Variants in LRP1 observed in about 807,000 individuals in gnomAD.
The protein encoded by LRP1 is prolow-density lipoprotein receptor-related protein 1.
In LRP1, 51 loss-of-function variants were observed where a neutral mutation model predicts 541.5. The ratio of observed to expected loss-of-function variants is 0.09; its 90% CI spans 0.08 to 0.12. The LOEUF (loss-of-function observed/expected upper bound fraction) is 0.12. LRP1 is among the 10% of genes least tolerant of loss of function. LRP1 has a pLI of 1.00. For missense variants in LRP1, 3,878 were observed against 6,376.2 expected (o/e 0.61, Z 13.34); for synonymous variants, 2,219 against 2,470.8 (o/e 0.90, Z 3.02).
rs2036506377 is a variant in LRP1 at position 57,195,278 on chromosome 12, G to A, written c.8316G>A (p.Lys2772=). 5.0e-6 allele frequency: 8 copies of A among 1,613,770 alleles called. No individual in the cohort carries two copies. The highest frequency in any genetic ancestry group is 6.8e-6 in the Non-Finnish European group (8 of 1,179,964). ...CCCTCTCTCCCCCTACAGAAGGCAA[G>A]ACGTGCGGCCCCTCCTCCTTCTCCT... ...GSDEAAHCEG[K]TCGPSSFSCP... Residue 2772 remains lysine, a synonymous_variant, in exon 52 of 89, where the codon AAG becomes AAA. Coordinates refer to ENST00000243077, the MANE Select transcript of LRP1 (RefSeq NM_002332.3).
At position 57,144,271 on chromosome 12, in the gene LRP1, A is replaced by G. The variant is rs145196986; in HGVS notation, c.448+473A>G. 1.1e-3 allele frequency among the ~76,000 whole-genome samples: 168 copies of G among 152,234 alleles called. 1 individual carries two copies. Among genetic ancestry groups the G allele is most frequent in the African/African-American group, 3.8e-3 (159 of 41,536 alleles). ...TAGTATACTGTGTATATTATTTTCAATGTTTTTCACTCATCAGTATGTTCC... is the reference window on the plus strand; with the variant it reads ...TAGTATACTGTGTATATTATTTTCAGTGTTTTTCACTCATCAGTATGTTCC... On this transcript the variant is annotated intron_variant, in intron 4 of 88. Coordinates refer to ENST00000243077, the MANE Select transcript of LRP1 (RefSeq NM_002332.3).
chr12:57,200,916 G>A lies in LRP1; in HGVS notation c.10225+101G>A, dbSNP rs1052220310. 3 of 1,567,186 alleles carry A rather than the reference G, an allele frequency of 1.9e-6. No homozygotes were observed. In the African/African-American group the frequency reaches 4.2e-5, roughly 22 times the overall value. Reference sequence around the variant, plus strand: ...GGGAAGTTGCAGCCCACGGCAGCTTGCTCTCCAGGCTGGATTCCTATGGCT... The same window carrying A: ...GGGAAGTTGCAGCCCACGGCAGCTTACTCTCCAGGCTGGATTCCTATGGCT... On this transcript the variant is annotated intron_variant, in intron 64 of 88. Coordinates refer to ENST00000243077, the MANE Select transcript of LRP1 (RefSeq NM_002332.3).
In LRP1 at chr12:57,185,756, C is replaced by G; in HGVS notation, c.6689C>G (p.Pro2230Arg). ...GCGCCCGTGCAGCCCTTCGAGGACC[C>G]TGAGCACATGAAGAACGTCATCGCC... ...LNAPVQPFEDPEHMKNVIALA... is the reference protein window; with the variant it reads ...LNAPVQPFEDREHMKNVIALA... The change falls in exon 41 of 89, where the codon CCT (proline) becomes CGT (arginine). Residue 2230 changes from proline (P) to arginine (R), a missense_variant. Transcript: ENST00000243077. This position sits in a 1 kb window ranked among gnomAD's most constrained non-coding sequence, Gnocchi z 4.9. The G allele has an allele frequency of 6.2e-7, 1 of 1,614,248 alleles. No individual in the cohort carries two copies. The highest frequency in any genetic ancestry group is 8.5e-7 in the Non-Finnish European group (1 of 1,180,042).
chr12:57,197,758 T>G lies in LRP1; in HGVS notation c.9282+94T>G. The G allele has an allele frequency of 6.8e-7, 1 of 1,470,194 alleles. No individual in the cohort carries two copies. The highest frequency in any genetic ancestry group is 9.2e-7 in the Non-Finnish European group (1 of 1,081,324). 91.1% of individuals were successfully genotyped at this position (1,470,194 alleles called of 1,614,324 possible). ...TTCCCGCCCCACCAACCCAAATTGC[T>G]TCCTTCTCACTCCACTAGTCACTAT... is the stretch of plus-strand genomic sequence containing the variant. On this transcript the variant is annotated intron_variant, in intron 58 of 88. Coordinates refer to ENST00000243077, the MANE Select transcript of LRP1 (RefSeq NM_002332.3). This position sits in a 1 kb window ranked among gnomAD's most constrained non-coding sequence, Gnocchi z 4.5.
At chr12:57,202,615 C>T (rs1026601889) in intron 68 of LRP1, 78 bp downstream of exon 68, 66 of 1,189,966 alleles carry the variant, frequency 5.5e-5, no homozygotes, top group Admixed American at 2.8e-4. Context: ...TGCCACAGGC[C>T]GCGCCAGAGC....
At position 57,162,626 on chromosome 12, in the gene LRP1, C is replaced by T; in HGVS notation, c.2404+108C>T. On this transcript the variant is annotated intron_variant, in intron 14 of 88. Coordinates refer to ENST00000243077, the MANE Select transcript of LRP1 (RefSeq NM_002332.3). This position sits in a 1 kb window ranked among gnomAD's most constrained non-coding sequence, Gnocchi z 5.2. ...GAAGGCACTTCCCAGGGATCCTAGGCTCTGACTTTTGAGGATCCTGAGAAG... is the reference window on the plus strand; with the variant it reads ...GAAGGCACTTCCCAGGGATCCTAGGTTCTGACTTTTGAGGATCCTGAGAAG... 1 of 1,329,858 alleles carries T rather than the reference C, an allele frequency of 7.5e-7. No individual in the cohort carries two copies. Among genetic ancestry groups the T allele is most frequent in the Middle Eastern group, 2.3e-4 (1 of 4,314 alleles). The allele number at this position is 1,329,858 out of a possible 1,614,324, so 82.4% of individuals were successfully genotyped here. A position where few individuals can be genotyped will look rare whatever the true frequency, so the allele number is the denominator to read the frequency against.
rs1411593019 is a variant in LRP1, at chr12:57,175,711, A to G, written c.3793+6A>G. ...CGAGAGCTGCCGCAGCCTGGGTGAG[A>G]CAACAGTGAGGTGTGGTGGGGCAGG... On this transcript the variant is annotated splice_donor_region_variant and intron_variant, in intron 23 of 88. Transcript: ENST00000243077. 1.0e-5 allele frequency: 16 copies of G among 1,563,282 alleles called. No homozygotes were observed. Among genetic ancestry groups the G allele is most frequent in the Non-Finnish European group, 1.4e-5 (16 of 1,152,430 alleles).
At position 57,211,861 on chromosome 12, in the gene LRP1, AG is replaced by A. The variant is rs1442722062; in HGVS notation, c.13258+52del. Reference sequence around the variant, plus strand: ...AGGCAGGGCCACCGGGACCTAGAGCAGGGGGACCGTGTGCCTCCTGCTTCCC... The same window carrying A: ...AGGCAGGGCCACCGGGACCTAGAGCAGGGGACCGTGTGCCTCCTGCTTCCC... On this transcript the variant is annotated intron_variant, in intron 86 of 88. Transcript: ENST00000243077. The surrounding 1 kb of genome is among the most constrained non-coding windows in gnomAD (Gnocchi z 4.3). 1 of 1,613,454 alleles carries A rather than the reference AG, an allele frequency of 6.2e-7. No individual in the cohort carries two copies. The highest frequency in any genetic ancestry group is 8.5e-7 in the Non-Finnish European group (1 of 1,179,794).
rs772700942 is a variant in LRP1 at position 57,210,163 on chromosome 12, C to G, written c.12574C>G (p.Pro4192Ala). The change falls in exon 81 of 89, where the codon CCA (proline) becomes GCA (alanine). Residue 4192 changes from proline (P) to alanine (A), a missense_variant. Around this residue, in one of 13 missense-constraint regions of LRP1, gnomAD observed 871 missense variants for 1,212.4 expected, o/e 0.72. Coordinates refer to ENST00000243077, the MANE Select transcript of LRP1 (RefSeq NM_002332.3). ...GCCTGTGCCCTCTCCAACGCCCCCC[C>G]CAGATGGTATGCTTATGCCCTCCCA... ...CVPVPSPTPP[P>A]DAPRPGTCNL... 1.1e-5 allele frequency: 18 copies of G among 1,598,002 alleles called. No homozygotes were observed. The highest frequency in any genetic ancestry group is 1.5e-5 in the Non-Finnish European group (17 of 1,171,916).
Position 57,173,042 on chromosome 12 carries a change from A to G in LRP1, c.3164-126A>G. The G allele has an allele frequency of 1.4e-6, 1 of 713,442 alleles. No individual in the cohort carries two copies. The highest frequency in any genetic ancestry group is 2.3e-6 in the Non-Finnish European group (1 of 444,252). The allele number at this position is 713,442 out of a possible 1,614,324, so 44.2% of individuals were successfully genotyped here. ...CCAAGGAGTGTCAGCAAAGCTTGGC[A>G]GACTCTCCAGGCCTGCCTCTGCTCA... On this transcript the variant is annotated intron_variant, in intron 20 of 88. Transcript: ENST00000243077. The surrounding 1 kb of genome is among the most constrained non-coding windows in gnomAD (Gnocchi z 4.7).
chr12:57,161,451 G>C (rs1029627439), intron 13 of LRP1, among the ~76,000 whole-genome samples: 1 of 152,134 alleles, frequency 6.6e-6, no homozygotes, highest in Admixed American at 6.5e-5. Context: ...GGCATGCCTT[G>C]GTGTGTGTCT....
chr12:57,178,210 G>GCT lies in LRP1; in HGVS notation c.4362-146_4362-145dup. On this transcript the variant is annotated intron_variant, in intron 26 of 88. Coordinates refer to ENST00000243077, the MANE Select transcript of LRP1 (RefSeq NM_002332.3). The surrounding 1 kb of genome is among the most constrained non-coding windows in gnomAD (Gnocchi z 5.8). ...CACACCTTGGTCCTTCTGTCTGTCT[G>GCT]CTCTGGCCAGCAAGGCTTAGGGGAG... 2 of 909,370 alleles carry GCT rather than the reference G, an allele frequency of 2.2e-6. No individual in the cohort carries two copies. The highest frequency in any genetic ancestry group is 5.3e-5 in the East Asian group (2 of 37,652). The allele number at this position is 909,370 out of a possible 1,614,324, so 56.3% of individuals were successfully genotyped here.
At chr12:57,157,605 C>G (rs1040562296) in intron 10 of LRP1, among the ~76,000 whole-genome samples, 17 of 152,156 alleles carry the variant, frequency 1.1e-4, no homozygotes, top group African/African-American at 4.1e-4. Flanking sequence ...AGCGAGACTT[C>G]ATCTCAAAAA....
chr12:57,196,793 C>G (rs1165545304), intron 55 of LRP1, among the ~76,000 whole-genome samples, 189 bp from the exon 56 acceptor site: 1 of 152,196 alleles, frequency 6.6e-6, no homozygotes, highest in South Asian at 2.1e-4. Flanking sequence ...ACACGCAGCT[C>G]TGTCAAATGA....
chr12:57,195,541 A>C, intron 52 of LRP1, 117 bp from the exon 53 acceptor site: 1 of 1,576,626 alleles, frequency 6.3e-7, no homozygotes, highest in African/African-American at 1.3e-5. Context: ...CCAGGTGTCC[A>C]GACTCCTCAT....
intron 1 of LRP1, among the ~76,000 whole-genome samples, chr12:57,129,428 AGGGGGT>A (rs566679212): frequency 1.3e-5 from 2 of 150,790 alleles, no homozygotes; most frequent in Non-Finnish European, 3.0e-5. Flanking sequence ...CGGCTGCAAA[AGGGGGT>A]GGGGGTGGGG....
chr12:57,178,744 G>A lies in LRP1; in HGVS notation c.4606+141G>A. The A allele has an allele frequency of 1.3e-6, 2 of 1,513,212 alleles. No individual in the cohort carries two copies. Among genetic ancestry groups the A allele is most frequent in the Non-Finnish European group, 1.8e-6 (2 of 1,117,166 alleles). 93.7% of individuals were successfully genotyped at this position (1,513,212 alleles called of 1,614,324 possible). A position where few individuals can be genotyped will look rare whatever the true frequency, so the allele number is the denominator to read the frequency against. On this transcript the variant is annotated intron_variant, in intron 27 of 88. Coordinates refer to ENST00000243077, the MANE Select transcript of LRP1 (RefSeq NM_002332.3). This position sits in a 1 kb window ranked among gnomAD's most constrained non-coding sequence, Gnocchi z 5.8. ...GGCAGGGGTAGGCCGGCTGTTGACA[G>A]AGGCACTGTCTAGCAGCAGAGAAGG...
chr12:57,149,062 CCTCT>C, intron 6 of LRP1: 2 of 591,602 alleles, frequency 3.4e-6, no homozygotes, highest in Non-Finnish European at 6.0e-6. Flanking sequence ...GACAGCAGTC[CCTCT>C]GAGTCTAATG....
chr12:57,191,402 G>C lies in LRP1; in HGVS notation c.7319G>C (p.Arg2440Pro). 1 of 1,613,408 alleles carries C rather than the reference G, an allele frequency of 6.2e-7. No homozygotes were observed. The highest frequency in any genetic ancestry group is 8.5e-7 in the Non-Finnish European group (1 of 1,179,574). The change falls in exon 44 of 89, where the codon CGG becomes CCG. Residue 2440 changes from arginine to proline, a missense_variant. Physicochemically the swap from Arg to Pro is moderately radical, Grantham distance 103 (BLOSUM62 -2). Coordinates refer to ENST00000243077, the MANE Select transcript of LRP1 (RefSeq NM_002332.3). Reference protein sequence around the residue: ...EHIFWTDWVRRAVQRANKHVG... With the variant: ...EHIFWTDWVRPAVQRANKHVG... The stretch of plus-strand genomic sequence containing the variant: ...ATTTTCTGGACTGACTGGGTGCGGC[G>C]GGCAGTGCAGCGGGCCAACAAGCAC...
Sources: gnomAD v4.1 joint callset for allele counts (sites outside exome capture counted in the v4.1 genomes callset) on GRCh38, gnomAD v4.1.1 for gene constraint, gnomAD v4.1.1 regional missense constraint, Gnocchi (gnomAD v3.1) non-coding constraint, MANE v1.5 for transcripts, NCBI Gene and HGNC (gene_info 2026-07-23, HGNC 2026-07-21) for gene names.